Variants in NKX1-2 observed in about 807,000 individuals in gnomAD.
NKX1-2 encodes the protein NK1 transcription factor-related protein 2.
In NKX1-2, 1 loss-of-function variant was observed where a neutral mutation model predicts 4.4. The observed-to-expected ratio is 0.23, with a 90% CI of 0.08 to 1.08. NKX1-2 has a LOEUF of 1.08. Among genes scored for constraint, NKX1-2 ranks in the 50% least tolerant of loss-of-function variants. The pLI is 0.55. For synonymous variants in NKX1-2, 235 were observed against 228.0 expected (o/e 1.03, Z -0.28); for missense variants, 503 against 464.6 (o/e 1.08, Z -0.76).
rs757571633 is a variant in NKX1-2 at position 124,449,945 on chromosome 10, C to A, written c.-2G>T. 2.0e-6 allele frequency: 3 copies of A among 1,531,328 alleles called. No homozygotes were observed. In the South Asian group the frequency reaches 3.6e-5, roughly 18 times the overall value. The allele number at this position is 1,531,328 out of a possible 1,614,324, so 94.9% of individuals were successfully genotyped here. A position where few individuals can be genotyped will look rare whatever the true frequency, so the allele number is the denominator to read the frequency against. On this transcript the variant is annotated 5_prime_UTR_variant, in exon 1 of 2. Transcript: ENST00000451024. The surrounding 1 kb of genome is among the most constrained non-coding windows in gnomAD (Gnocchi z 7.5). Reference sequence around the variant, plus strand: ...CCCGCCGTCCTGCCATGCCAGCATGCCCGTCGCCCACGGGCCGGCGGTCGG... The same window carrying A: ...CCCGCCGTCCTGCCATGCCAGCATGACCGTCGCCCACGGGCCGGCGGTCGG...
In NKX1-2 at chr10:124,447,970, C is replaced by A; in HGVS notation, c.392G>T (p.Cys131Phe). The change falls in exon 2 of 2, where the codon TGC (cysteine) becomes TTC (phenylalanine). Residue 131 changes from cysteine (C) to phenylalanine (F), a missense_variant. Coordinates refer to ENST00000451024, the MANE Select transcript of NKX1-2 (RefSeq NM_001146340.3). ...PAGALASGEP[C>F]EDGGGGPVRS... The stretch of plus-strand genomic sequence containing the variant: ...CACAGGGCCGCCCCCGCCGTCCTCG[C>A]AGGGCTCCCCAGACGCCAATGCCCC... The A allele has an allele frequency of 7.0e-7, 1 of 1,432,470 alleles. No individual in the cohort carries two copies. Among genetic ancestry groups the A allele is most frequent in the Non-Finnish European group, 9.1e-7 (1 of 1,100,710 alleles). The allele number at this position is 1,432,470 out of a possible 1,614,324, so 88.7% of individuals were successfully genotyped here. A position where few individuals can be genotyped will look rare whatever the true frequency, so the allele number is the denominator to read the frequency against.
rs1331702958 is a variant in NKX1-2 at position 124,447,821 on chromosome 10, T to C, written c.541A>G (p.Lys181Glu). The change falls in exon 2 of 2, where the codon AAG becomes GAG. Residue 181 changes from lysine to glutamate, a missense_variant. Lys to Glu is a moderately conservative substitution (Grantham distance 56, BLOSUM62 1). Transcript: ENST00000451024. ...GACAGGTAGCGCGTGGCCCGGAACTTGTTCTCCAAGGCCACCAGCTGCTCG... is the reference window on the plus strand; with the variant it reads ...GACAGGTAGCGCGTGGCCCGGAACTCGTTCTCCAAGGCCACCAGCTGCTCG... The part of the protein sequence containing the change: ...TYEQLVALEN[K>E]FRATRYLSVC... The C allele has an allele frequency of 1.4e-6, 2 of 1,475,192 alleles. No homozygotes were observed. Among genetic ancestry groups the C allele is most frequent in the African/African-American group, 1.5e-5 (1 of 68,240 alleles). The allele number at this position is 1,475,192 out of a possible 1,614,324, so 91.4% of individuals were successfully genotyped here. A position where few individuals can be genotyped will look rare whatever the true frequency, so the allele number is the denominator to read the frequency against.
rs1023668039 is a variant in NKX1-2 at position 124,449,090 on chromosome 10, C to T, written c.214+640G>A. Among the ~76,000 whole-genome samples, 2 of 152,182 alleles carry T rather than the reference C, an allele frequency of 1.3e-5. No individual in the cohort carries two copies. Among genetic ancestry groups the T allele is most frequent in the Non-Finnish European group, 2.9e-5 (2 of 68,034 alleles). On this transcript the variant is annotated intron_variant, in intron 1 of 1. Coordinates refer to ENST00000451024, the MANE Select transcript of NKX1-2 (RefSeq NM_001146340.3). The surrounding 1 kb of genome is among the most constrained non-coding windows in gnomAD (Gnocchi z 7.5). ...CCTAACCCCTTCATCAGGTGTCCGCCAGCGTTGGGAGTAATTCAGAAAGGG... is the reference window on the plus strand; with the variant it reads ...CCTAACCCCTTCATCAGGTGTCCGCTAGCGTTGGGAGTAATTCAGAAAGGG...
In NKX1-2 at chr10:124,446,340, T is replaced by C. The variant is rs1302418735; in HGVS notation, c.*1089A>G. ...TGCTTGTTCACCACCATAAAGAGTC[T>C]GTTTGTAACAAGAATTGTTTTCAAG... On this transcript the variant is annotated 3_prime_UTR_variant, in exon 2 of 2. Coordinates refer to ENST00000451024, the MANE Select transcript of NKX1-2 (RefSeq NM_001146340.3). The C allele has an allele frequency of 6.6e-6, 1 of 152,246 alleles. No homozygotes were observed. The highest frequency in any genetic ancestry group is 1.5e-5 in the Non-Finnish European group (1 of 68,038). The allele number at this position is 152,246 out of a possible 1,614,324, so 9.4% of individuals were successfully genotyped here.
At position 124,446,822 on chromosome 10, in the gene NKX1-2, A is replaced by G. The variant is rs1952240697; in HGVS notation, c.*607T>C. The G allele has an allele frequency of 6.6e-6, 1 of 152,160 alleles. No homozygotes were observed. 9.4% of individuals were successfully genotyped at this position (152,160 alleles called of 1,614,324 possible). On this transcript the variant is annotated 3_prime_UTR_variant, in exon 2 of 2. Coordinates refer to ENST00000451024, the MANE Select transcript of NKX1-2 (RefSeq NM_001146340.3). ...CCTGGGGAGGTTATTTGGAACAAGT[A>G]TTGTGTTCCAGTCCGAATCTTAAGT...
Position 124,448,049 on chromosome 10 carries a change from C to CCCGCAGCCGCGGCCTCCTCGGATCCT in NKX1-2, c.287_312dup (p.Glu105ArgfsTer19), listed in dbSNP as rs1224908101. 2 of 1,519,774 alleles carry CCCGCAGCCGCGGCCTCCTCGGATCCT rather than the reference C, an allele frequency of 1.3e-6. No individual in the cohort carries two copies. The highest frequency in any genetic ancestry group is 2.0e-5 in the Admixed American group (1 of 49,880). The allele number at this position is 1,519,774 out of a possible 1,614,324, so 94.1% of individuals were successfully genotyped here. On this transcript the variant is annotated frameshift_variant, in exon 2 of 2. Transcript: ENST00000451024. LOFTEE classifies it low-confidence loss of function (END_TRUNC). This position sits in a 1 kb window ranked among gnomAD's most constrained non-coding sequence, Gnocchi z 4.1. ...CCCGGCAGCAAGCGCGCAGCCCGCT[C>CCCGCAGCCGCGGCCTCCTCGGATCCT]CCGCAGCCGCGGCCTCCTCGGATCC...
In NKX1-2 at chr10:124,448,260, TCCCCACA is replaced by T; in HGVS notation, c.215-120_215-114del. ...AACCCAACTCTGGGTGCTGCTCCTG[TCCCCACA>T]TCGCGCTCCCCTTAGGCCGGACTAC... On this transcript the variant is annotated intron_variant, in intron 1 of 1. Coordinates refer to ENST00000451024, the MANE Select transcript of NKX1-2 (RefSeq NM_001146340.3). The surrounding 1 kb of genome is among the most constrained non-coding windows in gnomAD (Gnocchi z 4.1). 2 of 1,316,592 alleles carry T rather than the reference TCCCCACA, an allele frequency of 1.5e-6. No individual in the cohort carries two copies. The highest frequency in any genetic ancestry group is 2.1e-5 in the South Asian group (1 of 47,808). The allele number at this position is 1,316,592 out of a possible 1,614,324, so 81.6% of individuals were successfully genotyped here.
rs1343272885 is a variant in NKX1-2 at position 124,449,728 on chromosome 10, A to G, written c.214+2T>C. The G allele has an allele frequency of 6.5e-7, 1 of 1,549,450 alleles. No homozygotes were observed. The highest frequency in any genetic ancestry group is 2.0e-5 in the Admixed American group (1 of 51,008). On this transcript the variant is annotated splice_donor_variant, in intron 1 of 1. Coordinates refer to ENST00000451024, the MANE Select transcript of NKX1-2 (RefSeq NM_001146340.3). LOFTEE classifies it high-confidence loss of function. The surrounding 1 kb of genome is among the most constrained non-coding windows in gnomAD (Gnocchi z 7.5). ...TGGGGCCGGGGCCGCCTTGCATCTT[A>G]CCAGGGGTCTCCAGCTGTCGGACAG... is the stretch of plus-strand genomic sequence containing the variant.
In NKX1-2 at chr10:124,449,032, T is replaced by C. The variant is rs1487969220; in HGVS notation, c.214+698A>G. Among the ~76,000 whole-genome samples the C allele has an allele frequency of 6.6e-6, 1 of 152,236 alleles. No homozygotes were observed. Among genetic ancestry groups the C allele is most frequent in the Admixed American group, 6.5e-5 (1 of 15,288 alleles). On this transcript the variant is annotated intron_variant, in intron 1 of 1. Coordinates refer to ENST00000451024, the MANE Select transcript of NKX1-2 (RefSeq NM_001146340.3). The surrounding 1 kb of genome is among the most constrained non-coding windows in gnomAD (Gnocchi z 7.5). The stretch of plus-strand genomic sequence containing the variant: ...TGTCTGATCCCAGCAGGACTCCTGC[T>C]GTCTTCCGTCCTTCCTTCCAGCCAC...
rs1157157908 is a variant in NKX1-2, at chr10:124,448,074, C to T, written c.288G>A (p.Glu96=). 5 of 1,522,984 alleles carry T rather than the reference C, an allele frequency of 3.3e-6. No homozygotes were observed. In the Admixed American group the frequency reaches 8.0e-5, roughly 24 times the overall value. The allele number at this position is 1,522,984 out of a possible 1,614,324, so 94.3% of individuals were successfully genotyped here. The part of the protein sequence containing the change: ...GSEAEEEEDA[E]DPRRPRLRER... ...CCCGCAGCCGCGGCCTCCTCGGATC[C>T]TCCGCATCCTCCTCCTCTTCCGCCT... Residue 96 remains glutamate, a synonymous_variant, in exon 2 of 2, where the codon GAG becomes GAA. Coordinates refer to ENST00000451024, the MANE Select transcript of NKX1-2 (RefSeq NM_001146340.3). The surrounding 1 kb of genome is among the most constrained non-coding windows in gnomAD (Gnocchi z 4.1).
In NKX1-2 at chr10:124,445,827, G is replaced by C. The variant is rs988054194; in HGVS notation, c.*1602C>G. The C allele has an allele frequency of 5.9e-5, 9 of 152,144 alleles. No homozygotes were observed. The highest frequency in any genetic ancestry group is 1.9e-4 in the African/African-American group (8 of 41,428). 9.4% of individuals were successfully genotyped at this position (152,144 alleles called of 1,614,324 possible). ...TTATGAGAGTCACATGAACCATGAA[G>C]TCTTCACTTAATTTAGGAGAAATGG... is the stretch of plus-strand genomic sequence containing the variant. On this transcript the variant is annotated 3_prime_UTR_variant, in exon 2 of 2. Coordinates refer to ENST00000451024, the MANE Select transcript of NKX1-2 (RefSeq NM_001146340.3).
rs1008427158 is a variant in NKX1-2, at chr10:124,448,404, A to C, written c.215-257T>G. On this transcript the variant is annotated intron_variant, in intron 1 of 1. Coordinates refer to ENST00000451024, the MANE Select transcript of NKX1-2 (RefSeq NM_001146340.3). This position sits in a 1 kb window ranked among gnomAD's most constrained non-coding sequence, Gnocchi z 4.1. ...AAATGAATGAATGACACCCCGCATT[A>C]AGAAAAAATAGTGACATTATTGGGT... is the stretch of plus-strand genomic sequence containing the variant. The C allele has an allele frequency of 2.6e-5, 11 of 415,552 alleles. No homozygotes were observed. Among genetic ancestry groups the C allele is most frequent in the African/African-American group, 2.3e-4 (11 of 48,826 alleles). 25.7% of individuals were successfully genotyped at this position (415,552 alleles called of 1,614,324 possible).
chr10:124,447,923 C>T lies in NKX1-2; in HGVS notation c.439G>A (p.Gly147Ser). Residue 147 changes from glycine (G) to serine (S), a missense_variant, in exon 2 of 2, where the codon GGC (glycine) becomes AGC (serine). Gly to Ser is a moderately conservative substitution (Grantham distance 56). Transcript: ENST00000451024. The stretch of plus-strand genomic sequence containing the variant: ...CGCCGGCGCCTGGGACGCGGGGAGC[C>T]GGGGGATCCCGGGGGGGACCTCACA... Reference protein sequence around the residue: ...GPVRSPPGSPGSPRPRRRRLE... With the variant: ...GPVRSPPGSPSSPRPRRRRLE... 1.4e-6 allele frequency: 2 copies of T among 1,391,810 alleles called. No homozygotes were observed. Among genetic ancestry groups the T allele is most frequent in the Non-Finnish European group, 1.9e-6 (2 of 1,072,216 alleles). 86.2% of individuals were successfully genotyped at this position (1,391,810 alleles called of 1,614,324 possible). A position where few individuals can be genotyped will look rare whatever the true frequency, so the allele number is the denominator to read the frequency against.
chr10:124,448,274 T>G lies in NKX1-2; in HGVS notation c.215-127A>C. On this transcript the variant is annotated intron_variant, in intron 1 of 1. Coordinates refer to ENST00000451024, the MANE Select transcript of NKX1-2 (RefSeq NM_001146340.3). The surrounding 1 kb of genome is among the most constrained non-coding windows in gnomAD (Gnocchi z 4.1). ...TGCTGCTCCTGTCCCCACATCGCGC[T>G]CCCCTTAGGCCGGACTACACATCCT... The G allele has an allele frequency of 2.3e-6, 3 of 1,301,100 alleles. No individual in the cohort carries two copies. The highest frequency in any genetic ancestry group is 2.9e-6 in the Non-Finnish European group (3 of 1,025,188). The allele number at this position is 1,301,100 out of a possible 1,614,324, so 80.6% of individuals were successfully genotyped here.
At position 124,447,459 on chromosome 10, in the gene NKX1-2, G is replaced by A; in HGVS notation, c.903C>T (p.Tyr301=). ...GACGCGGGGCGTAGAAGGGGGTCAGGTAGGAAGGCCCAAGGAACGGCGCGA... is the reference window on the plus strand; with the variant it reads ...GACGCGGGGCGTAGAAGGGGGTCAGATAGGAAGGCCCAAGGAACGGCGCGA... ...SPFAPFLGPS[Y]LTPFYAPRL is the part of the protein sequence containing the mutation. Residue 301 remains tyrosine (Y), a synonymous_variant, in exon 2 of 2, where the codon TAC becomes TAT. Transcript: ENST00000451024. 7.9e-7 allele frequency: 1 copy of A among 1,261,862 alleles called. No individual in the cohort carries two copies. The highest frequency in any genetic ancestry group is 1.0e-6 in the Non-Finnish European group (1 of 997,312). The allele number at this position is 1,261,862 out of a possible 1,614,324, so 78.2% of individuals were successfully genotyped here. A position where few individuals can be genotyped will look rare whatever the true frequency, so the allele number is the denominator to read the frequency against.
chr10:124,447,860 T>G lies in NKX1-2; in HGVS notation c.502A>C (p.Thr168Pro), dbSNP rs2133791433. The stretch of plus-strand genomic sequence containing the variant: ...ACCAGCTGCTCGTAGGTGAAGGCGG[T>G]GCGCGCGCGCCGCGGCTTGGCGCAG... Reference protein sequence around the residue: ...PNCAKPRRARTAFTYEQLVAL... With the variant: ...PNCAKPRRARPAFTYEQLVAL... The change falls in exon 2 of 2, where the codon ACC (threonine) becomes CCC (proline). Residue 168 changes from threonine (T) to proline (P), a missense_variant. Coordinates refer to ENST00000451024, the MANE Select transcript of NKX1-2 (RefSeq NM_001146340.3). The G allele has an allele frequency of 2.8e-6, 4 of 1,438,874 alleles. No individual in the cohort carries two copies. The highest frequency in any genetic ancestry group is 2.8e-6 in the Non-Finnish European group (3 of 1,086,404). The allele number at this position is 1,438,874 out of a possible 1,614,324, so 89.1% of individuals were successfully genotyped here.
chr10:124,449,813 C>T lies in NKX1-2; in HGVS notation c.131G>A (p.Arg44Gln), dbSNP rs771969427. The T allele has an allele frequency of 2.6e-6, 4 of 1,551,670 alleles. No homozygotes were observed. In the South Asian group the frequency reaches 3.6e-5, roughly 14 times the overall value. ...CTCCGCCAAACTTTTCCTGGCTTCC[C>T]GGGGAGCCGGGCGCACGGCAGGGAG... Reference protein sequence around the residue: ...AALPAVRPAPREARKSLAEVE... With the variant: ...AALPAVRPAPQEARKSLAEVE... Residue 44 changes from arginine (R) to glutamine (Q), a missense_variant, in exon 1 of 2, where the codon CGG (arginine) becomes CAG (glutamine). Arg to Gln is a conservative substitution (Grantham distance 43). Coordinates refer to ENST00000451024, the MANE Select transcript of NKX1-2 (RefSeq NM_001146340.3). The surrounding 1 kb of genome is among the most constrained non-coding windows in gnomAD (Gnocchi z 7.5).
chr10:124,447,360 G>A lies in NKX1-2; in HGVS notation c.*69C>T, dbSNP rs1952247992. ...CCGCGCACCTGCACCCCCGGTGGAG[G>A]AGCCGAGGGCACACGACGATGCCAA... On this transcript the variant is annotated 3_prime_UTR_variant, in exon 2 of 2. Transcript: ENST00000451024. The A allele has an allele frequency of 3.0e-6, 3 of 986,256 alleles. No individual in the cohort carries two copies. The highest frequency in any genetic ancestry group is 1.7e-5 in the African/African-American group (1 of 59,282). 61.1% of individuals were successfully genotyped at this position (986,256 alleles called of 1,614,324 possible).
In NKX1-2 at chr10:124,446,105, G is replaced by C. The variant is rs1019619399; in HGVS notation, c.*1324C>G. 49 of 152,160 alleles carry C rather than the reference G, an allele frequency of 3.2e-4. No individual in the cohort carries two copies. The highest frequency in any genetic ancestry group is 1.2e-3 in the African/African-American group (49 of 41,520). 9.4% of individuals were successfully genotyped at this position (152,160 alleles called of 1,614,324 possible). A position where few individuals can be genotyped will look rare whatever the true frequency, so the allele number is the denominator to read the frequency against. On this transcript the variant is annotated 3_prime_UTR_variant, in exon 2 of 2. Transcript: ENST00000451024. ...GGGGACCTCTGGGTTTCTGAGACGT[G>C]GGCTACAAGATTATATTAGGTAGAA...
Sources: allele counts gnomAD v4.1 joint callset (sites outside exome capture counted in the v4.1 genomes callset), GRCh38; gene constraint gnomAD v4.1.1; non-coding constraint Gnocchi (gnomAD v3.1); transcripts MANE v1.5; gene names NCBI Gene and HGNC (gene_info 2026-07-23, HGNC 2026-07-21).